BET1: variants seen among roughly 807,000 people sequenced by gnomAD.
BET1 encodes BET1 homolog.
A neutral mutation model predicts 13.9 loss-of-function variants in BET1; 9 were observed. That is an observed-to-expected ratio of 0.65 (90% CI 0.39 to 1.13). BET1 has a LOEUF of 1.13. Among genes scored for constraint, BET1 ranks in the 50% most tolerant of loss-of-function variants. The probability of loss-of-function intolerance (pLI) is 0.01; values close to 1 mark genes in which losing one functional copy is unlikely to be tolerated. For missense variants in BET1, 127 were observed against 133.6 expected, an observed-to-expected ratio of 0.95 and a Z score of 0.24; for synonymous variants, 39 against 47.3, an observed-to-expected ratio of 0.82 and a Z score of 0.72.
chr7:93,996,332 G>T lies in BET1; in HGVS notation c.145-11C>A, dbSNP rs1380813423. The T allele has an allele frequency of 6.4e-7, 1 of 1,552,852 alleles. No homozygotes were observed. ...TATTTCAATGGAAAGCTATAAAGAA[G>T]AAGGTATACACAGGATTACTCACAT... is the stretch of plus-strand genomic sequence containing the variant. On this transcript the variant is annotated splice_polypyrimidine_tract_variant and intron_variant, in intron 2 of 3. Transcript: ENST00000222547.
chr7:93,992,528 G>A (rs1340166029), downstream of BET1: 1 of 984,950 alleles, frequency 1.0e-6, no homozygotes, highest in African/African-American at 1.8e-5. Flanking sequence ...CGTGAGCTCT[G>A]GTGTCACATA....
chr7:93,993,991 T>C lies in BET1; in HGVS notation c.*239A>G, dbSNP rs773597418. 29 of 1,529,346 alleles carry C rather than the reference T, an allele frequency of 1.9e-5. No individual in the cohort carries two copies. Among genetic ancestry groups the C allele is most frequent in the Non-Finnish European group, 2.5e-5 (29 of 1,143,884 alleles). The allele number at this position is 1,529,346 out of a possible 1,614,324, so 94.7% of individuals were successfully genotyped here. A position where few individuals can be genotyped will look rare whatever the true frequency, so the allele number is the denominator to read the frequency against. ...AACAATAGAAAAACAAACTGGAAAT[T>C]AGTGGAGCCACACCCTCTCACTACC... On this transcript the variant is annotated 3_prime_UTR_variant, in exon 4 of 4. Coordinates refer to ENST00000222547, the MANE Select transcript of BET1 (RefSeq NM_005868.6).
At chr7:93,990,588 A>G (rs571540691), downstream of BET1, among the ~76,000 whole-genome samples, 5 of 152,180 alleles carry the variant, frequency 3.3e-5, no homozygotes, top group Non-Finnish European at 5.9e-5. Context: ...CACCAAAATC[A>G]TCGATCTTTG....
Position 93,994,316 on chromosome 7 carries a change from C to T in BET1, c.271G>A (p.Gly91Arg). 1 of 1,613,786 alleles carries T rather than the reference C, an allele frequency of 6.2e-7. No homozygotes were observed. Residue 91 changes from glycine (G) to arginine (R), a missense_variant, in exon 4 of 4, where the codon GGG (glycine) becomes AGG (arginine). Transcript: ENST00000222547. ...TAGCACAGCAGCTTTGTTTGGCTCC[C>T]TCTGGATAAAATCTTCAGTTTGCCC... is the stretch of plus-strand genomic sequence containing the variant. Reference protein sequence around the residue: ...TMGKLKILSRGSQTKLLCYMM... With the variant: ...TMGKLKILSRRSQTKLLCYMM...
At chr7:94,004,081 T>C in intron 1 of BET1, 117 bp downstream of exon 1, 5 of 1,465,448 alleles carry the variant, frequency 3.4e-6, no homozygotes, top group Middle Eastern at 1.7e-4. Context: ...AGATCCCCTC[T>C]AGACATCCTG....
chr7:93,976,914 G>C (rs965881549), intron 4 of BET1, among the ~76,000 whole-genome samples: 1 of 152,036 alleles, frequency 6.6e-6, no homozygotes, highest in Non-Finnish European at 1.5e-5. Flanking sequence ...ACTTATAAGT[G>C]AGAAGAGAAG....
At chr7:93,970,854 AG>A (rs1477400712) in intron 6 of BET1, among the ~76,000 whole-genome samples, 1 of 151,794 alleles carries the variant, frequency 6.6e-6, no homozygotes, top group Non-Finnish European at 1.5e-5. Context: ...TCAGAGTGTT[AG>A]TAATATACTA....
chr7:93,996,158 G>A (rs908200725), intron 3 of BET1, 107 bp downstream of exon 3: 1 of 827,950 alleles, frequency 1.2e-6, no homozygotes, highest in Non-Finnish European at 1.9e-6. Context: ...AAATGGACGG[G>A]AATCAAGGAC....
At chr7:93,995,546 C>T (rs1242296897) in intron 3 of BET1, among the ~76,000 whole-genome samples, 2 of 152,080 alleles carry the variant, frequency 1.3e-5, no homozygotes, top group African/African-American at 2.4e-5. Flanking sequence ...AAAATATTTA[C>T]ATCTAGATCC....
chr7:94,003,693 A>C (rs1415053358), intron 1 of BET1, among the ~76,000 whole-genome samples: 1 of 152,180 alleles, frequency 6.6e-6, no homozygotes, highest in African/African-American at 2.4e-5. Flanking sequence ...TTTGACCCAG[A>C]AGTTCCAGTT....
At chr7:94,000,850 G>A (rs1795890423) in intron 1 of BET1, among the ~76,000 whole-genome samples, 1 of 152,136 alleles carries the variant, frequency 6.6e-6, no homozygotes. Flanking sequence ...AGAAGTCTCA[G>A]AGCCTGCTGC....
chr7:93,992,521 G>C (rs752896883), downstream of BET1: 1 of 985,072 alleles, frequency 1.0e-6, no homozygotes, highest in Admixed American at 6.2e-5. Context: ...AATCTCCCGT[G>C]AGCTCTGGTG....
chr7:94,004,048 T>C (rs1467409533), intron 1 of BET1, 150 bp downstream of exon 1: 2 of 1,134,322 alleles, frequency 1.8e-6, no homozygotes, highest in Non-Finnish European at 2.6e-6. Context: ...AAATGGTGTG[T>C]TTCCACTCGA....
At chr7:93,972,848 T>C (rs531257152) in intron 5 of BET1, among the ~76,000 whole-genome samples, 2 of 151,856 alleles carry the variant, frequency 1.3e-5, no homozygotes, top group African/African-American at 4.8e-5. Context: ...CGTATCTTTT[T>C]TTTTTTTTCT....
chr7:94,003,532 AAGGG>A (rs1258517347), intron 1 of BET1, among the ~76,000 whole-genome samples: 2 of 152,272 alleles, frequency 1.3e-5, no homozygotes, highest in South Asian at 4.1e-4. Context: ...GCGTTACTAT[AAGGG>A]TCCATTAAAA....
intron 6 of BET1, chr7:93,969,680 T>G (rs2116023463): frequency 6.6e-6 from 1 of 151,928 alleles, no homozygotes; most frequent in Middle Eastern, 3.4e-3. Context: ...AGTATTTTTG[T>G]GCTTATTTCA....
intron 1 of BET1, among the ~76,000 whole-genome samples, chr7:94,003,092 G>A (rs1562810443): frequency 6.6e-6 from 1 of 151,994 alleles, no homozygotes; most frequent in Non-Finnish European, 1.5e-5. Context: ...GCTTACTCAA[G>A]CACACAATAA....
exon 7 of BET1, chr7:93,964,033 T>C (rs1584118647): frequency 1.3e-5 from 2 of 151,848 alleles, no homozygotes; most frequent in African/African-American, 2.4e-5. Flanking sequence ...GCCACTGCAC[T>C]CCAGCCTCAG....
intron 4 of BET1, among the ~76,000 whole-genome samples, chr7:93,986,455 G>T (rs1795529133): frequency 6.6e-6 from 1 of 152,160 alleles, no homozygotes; most frequent in Admixed American, 6.6e-5. Flanking sequence ...ATGAAGAAAG[G>T]TAATGACTGC....
Sources: allele counts gnomAD v4.1 joint callset (sites outside exome capture counted in the v4.1 genomes callset), GRCh38; gene constraint gnomAD v4.1.1; transcripts MANE v1.5; gene names NCBI Gene and HGNC (gene_info 2026-07-23, HGNC 2026-07-21).